COL26A1: variants seen among roughly 807,000 people sequenced by gnomAD.
COL26A1 encodes collagen alpha-1(XXVI) chain.
COL26A1 carries 41 observed loss-of-function variants against 59.3 expected under a neutral mutation model. The observed-to-expected ratio is 0.69, with a 90% CI of 0.54 to 0.90. The LOEUF (loss-of-function observed/expected upper bound fraction) is 0.90. COL26A1 is among the 40% of genes least tolerant of loss of function. The pLI is 0.00. For missense variants in COL26A1, 612 were observed against 602.3 expected (o/e 1.02, Z -0.17); for synonymous variants, 266 against 256.0 (o/e 1.04, Z -0.37).
At chr7:101,533,176 G>T in intron 4 of COL26A1, 33 bp downstream of exon 4, 2 of 1,534,866 alleles carry the variant, frequency 1.3e-6, no homozygotes, top group Non-Finnish European at 8.9e-7. Context: ...GGCCTGGGGA[G>T]CTGCCTGGGG....
In COL26A1 at chr7:101,551,103, T is replaced by C. The variant is rs541231050; in HGVS notation, c.994-5T>C. Reference sequence around the variant, plus strand: ...GCCTCACACGCTTCCTTTGGTTTTCTGCAGGGCCTGGCTGGAGAGCGAGGC... The same window carrying C: ...GCCTCACACGCTTCCTTTGGTTTTCCGCAGGGCCTGGCTGGAGAGCGAGGC... On this transcript the variant is annotated splice_region_variant and splice_polypyrimidine_tract_variant and intron_variant, in intron 9 of 12. Transcript: ENST00000313669. The C allele has an allele frequency of 3.2e-5, 50 of 1,556,330 alleles. No individual in the cohort carries two copies. In the East Asian group the frequency reaches 1.2e-3, roughly 37 times the overall value.
intron 1 of COL26A1, among the ~76,000 whole-genome samples, chr7:101,386,263 T>G (rs1473486847): frequency 1.4e-5 from 2 of 144,672 alleles, no homozygotes; most frequent in African/African-American, 5.3e-5. Flanking sequence ...GCTTGTTTTT[T>G]TTTTTTTTTT....
At chr7:101,451,167 ATATG>A (rs1793328501) in intron 3 of COL26A1, among the ~76,000 whole-genome samples, 1 of 141,962 alleles carries the variant, frequency 7.0e-6, no homozygotes, top group Non-Finnish European at 1.5e-5. Flanking sequence ...ATTGAGATAT[ATATG>A]TAATATATAT....
intron 2 of COL26A1, among the ~76,000 whole-genome samples, chr7:101,436,981 T>C (rs1432802370): frequency 6.6e-6 from 1 of 152,150 alleles, no homozygotes; most frequent in East Asian, 1.9e-4. Context: ...CCCAAAGTGC[T>C]GGGATTACAG....
At chr7:101,456,074 A>T (rs1336925655) in intron 3 of COL26A1, among the ~76,000 whole-genome samples, 3 of 151,988 alleles carry the variant, frequency 2.0e-5, no homozygotes, top group Non-Finnish European at 4.4e-5. Flanking sequence ...GTGGTTGTAG[A>T]ACTTGAGTAT....
chr7:101,532,965 C>CA (rs1795400416), intron 3 of COL26A1, 117 bp from the exon 4 acceptor site: 1 of 757,732 alleles, frequency 1.3e-6, no homozygotes, highest in South Asian at 1.6e-5. Flanking sequence ...GTTTTCCAGG[C>CA]AAAATGACTG....
At chr7:101,387,704 T>A (rs1167291850) in intron 1 of COL26A1, among the ~76,000 whole-genome samples, 3 of 140,692 alleles carry the variant, frequency 2.1e-5, no homozygotes, top group East Asian at 2.0e-4. Context: ...ATATATATAT[T>A]GTAATATTTT....
chr7:101,549,274 T>C, intron 9 of COL26A1, 51 bp downstream of exon 9: 1 of 1,336,068 alleles, frequency 7.5e-7, no homozygotes, highest in East Asian at 2.4e-5. Flanking sequence ...GGGTGGCGGG[T>C]GGCCTTGTCT....
At chr7:101,401,577 AGG>A (rs1246547432) in intron 1 of COL26A1, among the ~76,000 whole-genome samples, 13 of 138,246 alleles carry the variant, frequency 9.4e-5, no homozygotes, top group African/African-American at 2.4e-4. Context: ...AAAGAGGAGG[AGG>A]AAAAGGAGGA....
At chr7:101,486,035 C>T (rs535630795) in intron 3 of COL26A1, among the ~76,000 whole-genome samples, 6 of 151,976 alleles carry the variant, frequency 3.9e-5, no homozygotes, top group East Asian at 1.9e-4. Flanking sequence ...TAGCTGGGCA[C>T]GGTGACGGGC....
intron 2 of COL26A1, among the ~76,000 whole-genome samples, chr7:101,441,847 A>G (rs1793065354): frequency 6.6e-6 from 1 of 152,038 alleles, no homozygotes; most frequent in South Asian, 2.1e-4. Flanking sequence ...TCAGGTCTGT[A>G]TTTTGCAAAC....
chr7:101,525,198 T>C (rs1246136469), intron 3 of COL26A1, among the ~76,000 whole-genome samples: 1 of 108,676 alleles, frequency 9.2e-6, no homozygotes, highest in African/African-American at 3.8e-5. Flanking sequence ...TTTTTTTTTT[T>C]TGAGACAGAG....
intron 3 of COL26A1, among the ~76,000 whole-genome samples, chr7:101,504,478 C>G (rs1005152412): frequency 1.3e-5 from 2 of 152,186 alleles, no homozygotes; most frequent in Non-Finnish European, 2.9e-5. Flanking sequence ...CCTCCCCTGT[C>G]TATGCTCGCC....
At chr7:101,475,894 T>TTCTCTCTCTTTCTCTC (rs1794032232) in intron 3 of COL26A1, among the ~76,000 whole-genome samples, 3 of 134,890 alleles carry the variant, frequency 2.2e-5, no homozygotes, top group South Asian at 4.5e-4. Context: ...CTCTCTTTCT[T>TTCTCTCTCTTTCTCTC]TCTCTCTCTT....
chr7:101,424,236 TTTCA>T (rs766117838), intron 2 of COL26A1, among the ~76,000 whole-genome samples: 2 of 151,918 alleles, frequency 1.3e-5, no homozygotes, highest in African/African-American at 2.4e-5. Flanking sequence ...AAAACTTAAT[TTTCA>T]TTCTCTTAGA....
chr7:101,424,714 G>A (rs1792603142), intron 2 of COL26A1, among the ~76,000 whole-genome samples: 1 of 152,308 alleles, frequency 6.6e-6, no homozygotes, highest in South Asian at 2.1e-4. Context: ...CCTTGGGGCT[G>A]CTGTCTGGGC....
chr7:101,421,998 T>G (rs1029934822), intron 2 of COL26A1, among the ~76,000 whole-genome samples: 44 of 152,130 alleles, frequency 2.9e-4, no homozygotes, highest in Non-Finnish European at 5.3e-4. Flanking sequence ...GGAATGTCAT[T>G]CATTTTCATT....
chr7:101,475,069 G>A (rs1385989238), intron 3 of COL26A1, among the ~76,000 whole-genome samples: 1 of 152,144 alleles, frequency 6.6e-6, no homozygotes, highest in African/African-American at 2.4e-5. Flanking sequence ...TGTGGTGGGT[G>A]CCTGTATTCC....
chr7:101,510,227 A>G (rs1404860469), intron 3 of COL26A1, among the ~76,000 whole-genome samples: 2 of 151,856 alleles, frequency 1.3e-5, no homozygotes, highest in Non-Finnish European at 2.9e-5. Flanking sequence ...GGATCTCACT[A>G]TGTTGCCAGG....
Sources: allele counts gnomAD v4.1 joint callset (sites outside exome capture counted in the v4.1 genomes callset), GRCh38; gene constraint gnomAD v4.1.1; transcripts MANE v1.5; gene names NCBI Gene and HGNC (gene_info 2026-07-23, HGNC 2026-07-21).